MYPN: variants seen among roughly 807,000 people sequenced by gnomAD.
MYPN encodes myopalladin.
MYPN carries 63 observed loss-of-function variants against 129.4 expected under a neutral mutation model. That is an observed-to-expected ratio of 0.49 (90% CI 0.40 to 0.60). MYPN has a LOEUF of 0.60. Ranked by LOEUF, MYPN falls within the 20% of genes least tolerant of loss-of-function variation. MYPN has a pLI of 0.00. For missense variants in MYPN, 1,596 were observed against 1,635.4 expected (o/e 0.98, Z 0.42); for synonymous variants, 629 against 600.9 (o/e 1.05, Z -0.68).
At position 68,211,269 on chromosome 10, in the gene MYPN, A is replaced by G. The variant is rs1372069666; in HGVS notation, c.*814A>G. On this transcript the variant is annotated 3_prime_UTR_variant, in exon 20 of 20. Coordinates refer to ENST00000358913, the MANE Select transcript of MYPN (RefSeq NM_032578.4). ...CCTCTGTGGGGTCACTTTAAAAACTACTAGCTTCAACTACCACTTACAAAA... is the reference window on the plus strand; with the variant it reads ...CCTCTGTGGGGTCACTTTAAAAACTGCTAGCTTCAACTACCACTTACAAAA... 2 of 454,076 alleles carry G rather than the reference A, an allele frequency of 4.4e-6. No homozygotes were observed. Among genetic ancestry groups the G allele is most frequent in the Non-Finnish European group, 8.8e-6 (2 of 226,786 alleles). 28.1% of individuals were successfully genotyped at this position (454,076 alleles called of 1,614,324 possible). A position where few individuals can be genotyped will look rare whatever the true frequency, so the allele number is the denominator to read the frequency against.
chr10:68,204,966 T>TCCA (rs1222934524), intron 18 of MYPN, among the ~76,000 whole-genome samples: 1 of 152,070 alleles, frequency 6.6e-6, no homozygotes. Flanking sequence ...TGCAGGCTGT[T>TCCA]CCACCACCTG....
In MYPN at chr10:68,145,502, A is replaced by G; in HGVS notation, c.1106A>G (p.Asp369Gly). 1.2e-6 allele frequency: 2 copies of G among 1,613,534 alleles called. No individual in the cohort carries two copies. Among genetic ancestry groups the G allele is most frequent in the Non-Finnish European group, 8.5e-7 (1 of 1,179,708 alleles). ...EGVSSSDSEG[D>G]PNKEEMNRIQ... ...GTTTCTTCTTCTGACTCAGAAGGCG[A>G]CCCTAACAAGGAAGAGATGAATCGG... The change falls in exon 4 of 20, where the codon GAC becomes GGC. Residue 369 changes from aspartate (D) to glycine (G), a missense_variant. Asp to Gly is a moderately conservative substitution (Grantham distance 94). Transcript: ENST00000358913.
At chr10:68,142,427 C>T (rs1409435106) in intron 2 of MYPN, among the ~76,000 whole-genome samples, 1 of 152,138 alleles carries the variant, frequency 6.6e-6, no homozygotes, top group African/African-American at 2.4e-5. Context: ...CAGAGTTGGG[C>T]CACTCCTGGG....
At chr10:68,099,456 G>GAC (rs2041972053) in intron 1 of MYPN, among the ~76,000 whole-genome samples, 1 of 152,000 alleles carries the variant, frequency 6.6e-6, no homozygotes, top group Non-Finnish European at 1.5e-5. Context: ...CCAACATGGT[G>GAC]ACACCCAGTC....
chr10:68,152,162 G>C (rs1401576668), intron 6 of MYPN, among the ~76,000 whole-genome samples: 1 of 152,156 alleles, frequency 6.6e-6, no homozygotes, highest in Non-Finnish European at 1.5e-5. Context: ...TAGGATAAGG[G>C]GTTGTAGAGA....
At chr10:68,120,174 A>G (rs1159167774) in intron 1 of MYPN, among the ~76,000 whole-genome samples, 2 of 152,210 alleles carry the variant, frequency 1.3e-5, no homozygotes, top group Non-Finnish European at 2.9e-5. Flanking sequence ...TCAAGGGGAA[A>G]GTACAGTAAT....
At chr10:68,106,033 C>T (rs1009790691), upstream of MYPN, 16 of 397,880 alleles carry the variant, frequency 4.0e-5, no homozygotes, top group African/African-American at 2.1e-4. Context: ...GGATCTGCAA[C>T]GGAACCCTGT....
chr10:68,170,386 T>C lies in MYPN; in HGVS notation c.1974-3680T>C, dbSNP rs2043126615. On this transcript the variant is annotated intron_variant, in intron 10 of 19. Coordinates refer to ENST00000358913, the MANE Select transcript of MYPN (RefSeq NM_032578.4). ...CTTCCTTTTCTCTTGTATATATGTA[T>C]ATGTTTACATTAGTATAGATATGAA... Among the ~76,000 whole-genome samples the C allele has an allele frequency of 2.6e-5, 4 of 152,208 alleles. No homozygotes were observed. The South Asian group carries it at 8.3e-4, about 32-fold the overall frequency.
chr10:68,132,958 C>T (rs2042432230), intron 2 of MYPN, among the ~76,000 whole-genome samples: 1 of 151,548 alleles, frequency 6.6e-6, no homozygotes, highest in Non-Finnish European at 1.5e-5. Flanking sequence ...ATGGGCCTAT[C>T]TTCTCTTCCA....
chr10:68,175,639 G>A (rs10823149), intron 12 of MYPN, among the ~76,000 whole-genome samples, 178 bp downstream of exon 12: 3 of 151,030 alleles, frequency 2.0e-5, no homozygotes, highest in East Asian at 3.9e-4. Flanking sequence ...TCTGCGGTTC[G>A]TAATTCTCCC....
At chr10:68,203,590 A>T (rs970636066) in intron 18 of MYPN, among the ~76,000 whole-genome samples, 1 of 152,060 alleles carries the variant, frequency 6.6e-6, no homozygotes, top group South Asian at 2.1e-4. Flanking sequence ...CAGTCTCAAA[A>T]GAAAAAAAGA....
At chr10:68,122,890 G>A (rs1323446142) in intron 2 of MYPN, among the ~76,000 whole-genome samples, 2 of 151,866 alleles carry the variant, frequency 1.3e-5, no homozygotes, top group Non-Finnish European at 2.9e-5. Context: ...CAACAAGAGC[G>A]AAACTCAGTC....
chr10:68,106,029 G>A, upstream of MYPN: 3 of 387,824 alleles, frequency 7.7e-6, no homozygotes, highest in Non-Finnish European at 1.5e-5. Context: ...CCCTGGATCT[G>A]CAACGGAACC....
At chr10:68,129,566 G>A (rs1051457369) in intron 2 of MYPN, among the ~76,000 whole-genome samples, 1 of 152,134 alleles carries the variant, frequency 6.6e-6, no homozygotes, top group African/African-American at 2.4e-5. Flanking sequence ...TGGTACACAA[G>A]CTTTTCCTGG....
chr10:68,161,199 T>G (rs1234707063), intron 7 of MYPN, among the ~76,000 whole-genome samples: 1 of 152,242 alleles, frequency 6.6e-6, no homozygotes, highest in African/African-American at 2.4e-5. Flanking sequence ...CAGTATCATT[T>G]AATTGTTGCT....
chr10:68,195,787 G>A (rs1162421747), intron 15 of MYPN, among the ~76,000 whole-genome samples: 1 of 99,200 alleles, frequency 1.0e-5, no homozygotes, highest in African/African-American at 2.8e-5. Context: ...CTAGTCTCTG[G>A]GGCTTTTTTT....
chr10:68,165,813 TGAGAG>T lies in MYPN; in HGVS notation c.1597_1600+1del. 1 of 1,613,130 alleles carries T rather than the reference TGAGAG, an allele frequency of 6.2e-7. No homozygotes were observed. Among genetic ancestry groups the T allele is most frequent in the Non-Finnish European group, 8.5e-7 (1 of 1,179,090 alleles). On this transcript the variant is annotated frameshift_variant and splice_region_variant, in exon 9 of 20. Transcript: ENST00000358913. LOFTEE classifies it high-confidence loss of function. The stretch of plus-strand genomic sequence containing the variant: ...GTGTCAAGCATTGCACAGCTGCACG[TGAGAG>T]GTAAGGACTCTTTAATGCTAGAACA...
intron 4 of MYPN, 152 bp downstream of exon 4, chr10:68,145,678 T>C: frequency 1.5e-6 from 1 of 688,560 alleles, no homozygotes; most frequent in Non-Finnish European, 2.5e-6. Flanking sequence ...AACAAACAAA[T>C]TGAGTGGATT....
Position 68,197,410 on chromosome 10 carries a change from C to A in MYPN, c.3217C>A (p.Pro1073Thr), listed in dbSNP as rs1378381559. 1.2e-6 allele frequency: 2 copies of A among 1,614,042 alleles called. No individual in the cohort carries two copies. The highest frequency in any genetic ancestry group is 1.7e-6 in the Non-Finnish European group (2 of 1,179,968). The change falls in exon 16 of 20, where the codon CCA becomes ACA. Residue 1073 changes from proline to threonine, a missense_variant. Pro to Thr is a conservative substitution (Grantham distance 38). Transcript: ENST00000358913. ...KEPLQERFFRPHFLQAPGDMV... is the reference protein window; with the variant it reads ...KEPLQERFFRTHFLQAPGDMV... ...GCCCCTACAGGAACGCTTTTTCCGA[C>A]CACATTTCCTGCAGGCTCCTGGGGA...
Sources: gnomAD v4.1 joint callset for allele counts (sites outside exome capture counted in the v4.1 genomes callset) on GRCh38, gnomAD v4.1.1 for gene constraint, MANE v1.5 for transcripts, NCBI Gene and HGNC (gene_info 2026-07-23, HGNC 2026-07-21) for gene names.